Variants in LRRC37A2 observed in about 807,000 individuals in gnomAD.
The protein encoded by LRRC37A2 is leucine rich repeat containing 37 member A2, also known as leucine-rich repeat-containing protein 37A2.
A neutral mutation model predicts 68.8 loss-of-function variants in LRRC37A2; 9 were observed. That is an observed-to-expected ratio of 0.13 (90% confidence interval 0.08 to 0.23). The LOEUF (loss-of-function observed/expected upper bound fraction) is 0.23. Ranked by LOEUF, LRRC37A2 falls within the 10% of genes least tolerant of loss-of-function variation. The pLI, the probability that LRRC37A2 is intolerant of heterozygous loss-of-function variation, is 1.00. For missense variants in LRRC37A2, 168 were observed against 950.4 expected, an observed-to-expected ratio of 0.18 and a Z score of 10.82; for synonymous variants, 63 against 367.6, an observed-to-expected ratio of 0.17 and a Z score of 9.48.
the LRRC37A2 span, among the ~76,000 whole-genome samples, chr17:46,865,143 G>A: frequency 1.3e-5 from 2 of 152,228 alleles, no homozygotes; most frequent in Non-Finnish European, 2.9e-5. Flanking sequence ...GCCCGAGCCT[G>A]AGTGGAGAGG....
the LRRC37A2 span, among the ~76,000 whole-genome samples, chr17:47,015,579 A>C: frequency 6.6e-6 from 1 of 152,178 alleles, no homozygotes; most frequent in Admixed American, 6.5e-5. Flanking sequence ...GCAATGCATG[A>C]CTGCATATGA....
chr17:46,455,663 G>A, the LRRC37A2 span, among the ~76,000 whole-genome samples: 2 of 137,270 alleles, frequency 1.5e-5, no homozygotes, highest in Admixed American at 1.5e-4. Flanking sequence ...TTTCCATGGC[G>A]ACACACTATT....
At chr17:46,558,431 GGCTGGAGTGCAGCA>G (rs2057405048), downstream of LRRC37A2, among the ~76,000 whole-genome samples, 1 of 113,182 alleles carries the variant, frequency 8.8e-6, no homozygotes, top group Non-Finnish European at 1.8e-5. Context: ...CTGTCACCCA[GGCTGGAGTGCAGCA>G]GCGTGATCTC....
At chr17:46,794,076 G>A in the LRRC37A2 span, among the ~76,000 whole-genome samples, 1 of 152,180 alleles carries the variant, frequency 6.6e-6, no homozygotes, top group Non-Finnish European at 1.5e-5. Flanking sequence ...GGGAACAGCA[G>A]GAGGTTAGCA....
chr17:46,841,707 TG>T, the LRRC37A2 span, among the ~76,000 whole-genome samples: 1 of 152,056 alleles, frequency 6.6e-6, no homozygotes, highest in Non-Finnish European at 1.5e-5. Flanking sequence ...CCCTCTGGAC[TG>T]GGGAGTGCGG....
At chr17:46,968,892 A>G in the LRRC37A2 span, 1 of 152,248 alleles carries the variant, frequency 6.6e-6, no homozygotes, top group African/African-American at 2.4e-5. Context: ...CTGGGGTGCA[A>G]CCCCAAAAGC....
the LRRC37A2 span, chr17:46,833,398 C>T: frequency 1.9e-6 from 1 of 518,140 alleles, no homozygotes; most frequent in South Asian, 1.4e-5. Context: ...GGCCTGAATG[C>T]CAGTCCTGGG....
chr17:46,806,006 G>A, the LRRC37A2 span, among the ~76,000 whole-genome samples: 1 of 152,138 alleles, frequency 6.6e-6, no homozygotes, highest in African/African-American at 2.4e-5. Context: ...GGGATAACAA[G>A]AGTCTCTGCC....
chr17:46,769,743 G>T, the LRRC37A2 span: 4 of 1,602,778 alleles, frequency 2.5e-6, no homozygotes, highest in African/African-American at 4.0e-5. Flanking sequence ...GAAGCGGGGG[G>T]CTGCTCCCTG....
At chr17:46,721,989 T>A in the LRRC37A2 span, 3 of 1,606,960 alleles carry the variant, frequency 1.9e-6, no homozygotes, top group Non-Finnish European at 2.6e-6. Flanking sequence ...AAGATTATGA[T>A]AGCTTTCCGA....
At chr17:46,751,391 A>T in the LRRC37A2 span, 2 of 750,768 alleles carry the variant, frequency 2.7e-6, no homozygotes, top group Non-Finnish European at 4.5e-6. Flanking sequence ...AATTCTATCA[A>T]CTTGAACAGT....
At chr17:46,978,696 C>T in the LRRC37A2 span, 9 of 1,611,676 alleles carry the variant, frequency 5.6e-6, no homozygotes, top group Non-Finnish European at 6.8e-6. Context: ...GCCGGCGCTC[C>T]TGCACCAGAA....
At chr17:46,610,099 T>TTCTCTCTCTC in the LRRC37A2 span, among the ~76,000 whole-genome samples, 1 of 89,432 alleles carries the variant, frequency 1.1e-5, no homozygotes, top group African/African-American at 4.4e-5. Context: ...TTTTCTCTCT[T>TTCTCTCTCTC]TCTCTCTCTC....
At chr17:47,000,048 T>A in the LRRC37A2 span, among the ~76,000 whole-genome samples, 1 of 27,838 alleles carries the variant, frequency 3.6e-5, no homozygotes, top group African/African-American at 7.1e-5. Flanking sequence ...TAAAATAAAA[T>A]AAAATAAAAT....
chr17:47,012,236 C>T, the LRRC37A2 span, among the ~76,000 whole-genome samples: 2 of 152,106 alleles, frequency 1.3e-5, no homozygotes, highest in African/African-American at 4.8e-5. Context: ...ATTATGGGCT[C>T]ATGAATTCCT....
chr17:46,884,647 G>A, the LRRC37A2 span, among the ~76,000 whole-genome samples: 213 of 152,310 alleles, frequency 1.4e-3, no homozygotes, highest in African/African-American at 4.8e-3. Context: ...AGTGCCTCTC[G>A]TGTGCATTGT....
the LRRC37A2 span, among the ~76,000 whole-genome samples, chr17:46,779,301 A>G: frequency 1.3e-5 from 2 of 152,198 alleles, no homozygotes; most frequent in African/African-American, 2.4e-5. Context: ...TTAGGATCTG[A>G]GATGATGGCC....
chr17:46,923,551 G>A, the LRRC37A2 span: 1 of 1,325,458 alleles, frequency 7.5e-7, no homozygotes, highest in African/African-American at 1.5e-5. Context: ...GGTGCTCCTG[G>A]TTGGTAGACC....
the LRRC37A2 span, among the ~76,000 whole-genome samples, chr17:47,031,244 C>T: frequency 2.0e-5 from 3 of 148,586 alleles, 1 homozygote; most frequent in African/African-American, 7.4e-5. Flanking sequence ...CTGGCCCAAG[C>T]GCAGTAAAGT....
Sources: gnomAD v4.1 joint callset for allele counts (sites outside exome capture counted in the v4.1 genomes callset) on GRCh38, gnomAD v4.1.1 for gene constraint, MANE v1.5 for transcripts, NCBI Gene and HGNC (gene_info 2026-07-23, HGNC 2026-07-21) for gene names.